The following FAM135B variants were observed in gnomAD, a reference collection of about 807,000 sequenced individuals.
FAM135B encodes family with sequence similarity 135 member B, also known as protein FAM135B.
In FAM135B, 43 loss-of-function variants were observed where a neutral mutation model predicts 127.7. The observed-to-expected ratio is 0.34, with a 90% CI of 0.26 to 0.43. The LOEUF is 0.43. Ranked by LOEUF, FAM135B falls within the 20% of genes least tolerant of loss-of-function variation. The pLI is 1.00. For synonymous variants in FAM135B, 670 were observed against 665.1 expected (o/e 1.01, Z -0.11); for missense variants, 1,558 against 1,725.6 (o/e 0.90, Z 1.72).
chr8:138,429,390 C>G (rs1172940719), intron 1 of FAM135B, among the ~76,000 whole-genome samples: 3 of 152,164 alleles, frequency 2.0e-5, no homozygotes, highest in Admixed American at 2.0e-4. Flanking sequence ...TGCTGCTATC[C>G]TTGTGGCTAC....
intron 7 of FAM135B, among the ~76,000 whole-genome samples, chr8:138,213,506 T>TC (rs1818300068): frequency 7.6e-6 from 1 of 131,210 alleles, no homozygotes; most frequent in African/African-American, 2.6e-5. Flanking sequence ...TTATGTAATT[T>TC]CTTTTTTTTT....
At chr8:138,430,019 G>A (rs960623542) in intron 1 of FAM135B, among the ~76,000 whole-genome samples, 1 of 152,102 alleles carries the variant, frequency 6.6e-6, no homozygotes, top group Non-Finnish European at 1.5e-5. Context: ...TTCTTTAATA[G>A]CATGCCAGAA....
intron 3 of FAM135B, among the ~76,000 whole-genome samples, chr8:138,302,292 T>C (rs1209751268): frequency 6.6e-6 from 1 of 152,082 alleles, no homozygotes; most frequent in African/African-American, 2.4e-5. Context: ...GGTTGTTCTC[T>C]CTTCCACCCA....
At chr8:138,286,004 G>A (rs1824654669) in intron 3 of FAM135B, among the ~76,000 whole-genome samples, 1 of 152,160 alleles carries the variant, frequency 6.6e-6, no homozygotes. Flanking sequence ...CGGAGTTCCT[G>A]TCTTCATAGA....
intron 2 of FAM135B, among the ~76,000 whole-genome samples, chr8:138,343,548 C>G (rs10505699): frequency 0.27 from 41,206 of 152,140 alleles, 5,783 homozygotes; most frequent in South Asian, 0.46. Context: ...CCACAGCCAA[C>G]ACGGTAAAAT....
At chr8:138,313,488 A>C (rs1040690840) in intron 2 of FAM135B, among the ~76,000 whole-genome samples, 3 of 151,864 alleles carry the variant, frequency 2.0e-5, no homozygotes, top group Non-Finnish European at 4.4e-5. Context: ...GGTACAGAGA[A>C]CATGAACCAT....
intron 13 of FAM135B, among the ~76,000 whole-genome samples, chr8:138,149,140 T>A (rs1466148442): frequency 0.019 from 290 of 15,196 alleles, 1 homozygote; most frequent in African/African-American, 0.054. Context: ...AATAAAAAAA[T>A]AAATAAATAA....
At chr8:138,275,378 TAATATAA>T (rs1823738943) in intron 3 of FAM135B, among the ~76,000 whole-genome samples, 1 of 152,198 alleles carries the variant, frequency 6.6e-6, no homozygotes, top group African/African-American at 2.4e-5. Flanking sequence ...ATTTGTCTAC[TAATATAA>T]AATATAAACT....
chr8:138,487,494 A>T (rs1474274845), intron 1 of FAM135B, among the ~76,000 whole-genome samples: 3 of 152,042 alleles, frequency 2.0e-5, no homozygotes, highest in Admixed American at 6.6e-5. Flanking sequence ...TGCTGTACTT[A>T]CATCTGATGC....
At chr8:138,155,892 C>A (rs1818684691) in intron 12 of FAM135B, among the ~76,000 whole-genome samples, 1 of 152,110 alleles carries the variant, frequency 6.6e-6, no homozygotes, top group Non-Finnish European at 1.5e-5. Context: ...ATGAACGAGA[C>A]AGAAAGTTAA....
rs146657379 is a variant in FAM135B, at chr8:138,362,783, T to C, written c.77+5124A>G. ...TTTACTGAAATATTTGAACTGATGG[T>C]CATTTTCTATGTATATGTCAGCCTC... On this transcript the variant is annotated intron_variant, in intron 2 of 19. Transcript: ENST00000395297. Among the ~76,000 whole-genome samples, 66 of 152,344 alleles carry C rather than the reference T, an allele frequency of 4.3e-4. No individual in the cohort carries two copies. The East Asian group carries it at 0.01, about 24-fold the overall frequency.
intron 12 of FAM135B, among the ~76,000 whole-genome samples, chr8:138,162,887 T>TGAA (rs1554616118): frequency 2.0e-5 from 3 of 152,192 alleles, no homozygotes; most frequent in Non-Finnish European, 4.4e-5. Context: ...CATCTGGTCT[T>TGAA]TATACCACAG....
chr8:138,132,469 C>T lies in FAM135B; in HGVS notation c.*124G>A, dbSNP rs553830799. ...AGCACCTCTCATGTCAGGTTCCACC[C>T]GAGCCTCCGTCCCCCAATGCTGTTG... On this transcript the variant is annotated 3_prime_UTR_variant, in exon 20 of 20. Transcript: ENST00000395297. The surrounding 1 kb of genome is among the most constrained non-coding windows in gnomAD (Gnocchi z 4.5). 8.6e-5 allele frequency: 67 copies of T among 780,864 alleles called. No individual in the cohort carries two copies. The highest frequency in any genetic ancestry group is 8.5e-4 in the South Asian group (51 of 60,350). The allele number at this position is 780,864 out of a possible 1,614,324, so 48.4% of individuals were successfully genotyped here.
At chr8:138,147,352 C>T in intron 14 of FAM135B, among the ~76,000 whole-genome samples, 1 of 151,850 alleles carries the variant, frequency 6.6e-6, no homozygotes, top group East Asian at 1.9e-4. Flanking sequence ...GGCCCCCTCT[C>T]CTTCAGCTAC....
intron 1 of FAM135B, among the ~76,000 whole-genome samples, chr8:138,485,917 G>A (rs1318037652): frequency 1.3e-5 from 2 of 152,120 alleles, no homozygotes; most frequent in East Asian, 3.9e-4. Flanking sequence ...GTGTGGCTAA[G>A]GGGAGTAGAA....
chr8:138,357,296 A>C (rs1352398052), intron 2 of FAM135B, among the ~76,000 whole-genome samples: 1 of 152,176 alleles, frequency 6.6e-6, no homozygotes, highest in African/African-American at 2.4e-5. Context: ...ATGTCCAAAA[A>C]TACAGCATTG....
intron 12 of FAM135B, among the ~76,000 whole-genome samples, chr8:138,156,547 T>C (rs1337966297): frequency 6.6e-6 from 1 of 151,964 alleles, no homozygotes; most frequent in African/African-American, 2.4e-5. Context: ...GATAGACCTC[T>C]AGGAAGACTA....
chr8:138,431,682 C>A (rs1009217), intron 1 of FAM135B, among the ~76,000 whole-genome samples: 1 of 152,164 alleles, frequency 6.6e-6, no homozygotes, highest in African/African-American at 2.4e-5. Flanking sequence ...GTATTATCCC[C>A]CATAAATGAA....
intron 7 of FAM135B, among the ~76,000 whole-genome samples, chr8:138,215,705 TA>T (rs1818490551): frequency 6.6e-6 from 1 of 152,206 alleles, no homozygotes; most frequent in African/African-American, 2.4e-5. Context: ...CATTAATTGA[TA>T]CATCAATAAT....
Sources: gnomAD v4.1 joint callset for allele counts (sites outside exome capture counted in the v4.1 genomes callset) on GRCh38, gnomAD v4.1.1 for gene constraint, Gnocchi (gnomAD v3.1) non-coding constraint, MANE v1.5 for transcripts, NCBI Gene and HGNC (gene_info 2026-07-23, HGNC 2026-07-21) for gene names.